The following NEGR1 variants were observed in gnomAD, a reference collection of about 807,000 sequenced individuals.
NEGR1 encodes the protein neuronal growth regulator 1, also known as IgLON family member 4.
NEGR1 carries 10 observed loss-of-function variants against 40.9 expected under a neutral mutation model. The observed-to-expected ratio is 0.24, with a 90% CI of 0.15 to 0.42. NEGR1 has a LOEUF of 0.42. Among genes scored for constraint, NEGR1 ranks in the 10% least tolerant of loss-of-function variants. NEGR1 has a pLI of 1.00. For synonymous variants in NEGR1, 185 were observed against 166.8 expected (o/e 1.11, Z -0.84); for missense variants, 352 against 438.9 (o/e 0.80, Z 1.77).
chr1:72,269,326 G>C (rs768515982), intron 1 of NEGR1, among the ~76,000 whole-genome samples: 2 of 151,600 alleles, frequency 1.3e-5, no homozygotes, highest in African/African-American at 2.4e-5. Flanking sequence ...TTTCAAAGGA[G>C]TGAATCAAGG....
chr1:71,971,460 T>C (rs1365832522), intron 1 of NEGR1, among the ~76,000 whole-genome samples: 1 of 152,142 alleles, frequency 6.6e-6, no homozygotes, highest in Non-Finnish European at 1.5e-5. Flanking sequence ...CATGTATTGA[T>C]TGGGTTGTCA....
chr1:71,646,205 C>T (rs1031719677), intron 4 of NEGR1, among the ~76,000 whole-genome samples: 3 of 151,424 alleles, frequency 2.0e-5, no homozygotes, highest in African/African-American at 7.3e-5. Flanking sequence ...CATATATACA[C>T]ATACATATAC....
At chr1:71,652,821 A>G (rs1005350384) in intron 4 of NEGR1, among the ~76,000 whole-genome samples, 2 of 152,098 alleles carry the variant, frequency 1.3e-5, no homozygotes, top group Non-Finnish European at 2.9e-5. Flanking sequence ...CAGAGATCAT[A>G]CTACTGCATT....
At chr1:72,105,162 T>C (rs1165714156) in intron 1 of NEGR1, among the ~76,000 whole-genome samples, 2 of 152,136 alleles carry the variant, frequency 1.3e-5, no homozygotes, top group East Asian at 3.9e-4. Context: ...AACTATTCTC[T>C]ATACTACAGC....
chr1:72,022,334 T>C (rs1425354664), intron 1 of NEGR1, among the ~76,000 whole-genome samples: 1 of 140,270 alleles, frequency 7.1e-6, no homozygotes, highest in Non-Finnish European at 1.5e-5. Context: ...ATCCAGAAGT[T>C]TATAAAGAGA....
At chr1:71,988,010 T>C (rs1261995387) in intron 1 of NEGR1, among the ~76,000 whole-genome samples, 1 of 152,210 alleles carries the variant, frequency 6.6e-6, no homozygotes, top group Non-Finnish European at 1.5e-5. Context: ...AGAGTCTGTT[T>C]CTTGTTCCCT....
chr1:71,767,819 A>G (rs967005964), intron 3 of NEGR1, among the ~76,000 whole-genome samples: 1 of 152,234 alleles, frequency 6.6e-6, no homozygotes. Context: ...TGCCTTGTGC[A>G]GCCTCAGAAC....
intron 2 of NEGR1, among the ~76,000 whole-genome samples, chr1:71,879,235 G>A (rs1660517916): frequency 6.6e-6 from 1 of 151,970 alleles, no homozygotes; most frequent in Non-Finnish European, 1.5e-5. Context: ...CATAGGGAGA[G>A]ATATTTCTTT....
At chr1:71,732,044 G>A (rs557794258) in intron 3 of NEGR1, among the ~76,000 whole-genome samples, 1 of 152,258 alleles carries the variant, frequency 6.6e-6, no homozygotes, top group East Asian at 1.9e-4. Context: ...CGGGCCGGGA[G>A]TGATGGCTCA....
chr1:71,660,140 A>C (rs950336033), intron 4 of NEGR1, among the ~76,000 whole-genome samples: 1 of 152,230 alleles, frequency 6.6e-6, no homozygotes, highest in Non-Finnish European at 1.5e-5. Context: ...AACACTATGC[A>C]GTCATAAAAA....
chr1:71,941,154 T>C (rs1295857504), intron 1 of NEGR1, among the ~76,000 whole-genome samples: 3 of 152,130 alleles, frequency 2.0e-5, no homozygotes, highest in African/African-American at 7.2e-5. Context: ...AAGTCCTAAA[T>C]TTGACAGAAG....
chr1:71,422,160 G>A (rs146828717), intron 6 of NEGR1, among the ~76,000 whole-genome samples: 7 of 152,038 alleles, frequency 4.6e-5, no homozygotes, highest in African/African-American at 1.4e-4. Flanking sequence ...AAAAACTCAC[G>A]AATACAAATG....
intron 2 of NEGR1, among the ~76,000 whole-genome samples, chr1:71,816,630 G>T (rs1401224413): frequency 6.6e-6 from 1 of 151,990 alleles, no homozygotes; most frequent in Non-Finnish European, 1.5e-5. Context: ...CCCAGGATAG[G>T]TGGGGATTAT....
intron 1 of NEGR1, among the ~76,000 whole-genome samples, chr1:72,186,390 T>C (rs534249775): frequency 6.6e-6 from 1 of 151,720 alleles, no homozygotes; most frequent in Non-Finnish European, 1.5e-5. Context: ...TTAGAGAGTT[T>C]ATATCTTTAA....
At chr1:71,789,150 C>A (rs1034334742) in intron 2 of NEGR1, among the ~76,000 whole-genome samples, 4 of 152,070 alleles carry the variant, frequency 2.6e-5, no homozygotes, top group African/African-American at 9.7e-5. Flanking sequence ...AAGATGAGGA[C>A]CCTATCACAG....
chr1:71,645,002 C>T (rs1231972816), intron 4 of NEGR1, among the ~76,000 whole-genome samples: 3 of 151,928 alleles, frequency 2.0e-5, no homozygotes, highest in Non-Finnish European at 4.4e-5. Context: ...GCTGTACTCA[C>T]ACAATTTACA....
intron 1 of NEGR1, among the ~76,000 whole-genome samples, chr1:72,062,177 A>T (rs768867061): frequency 6.6e-6 from 1 of 151,854 alleles, no homozygotes; most frequent in South Asian, 2.1e-4. Flanking sequence ...AAGAAGTATG[A>T]AATTTCCTTC....
chr1:72,255,762 G>A (rs1191311793), intron 1 of NEGR1, among the ~76,000 whole-genome samples: 2 of 151,700 alleles, frequency 1.3e-5, no homozygotes, highest in East Asian at 3.9e-4. Context: ...TGTTGGCCAG[G>A]ATGGTCTCTA....
intron 3 of NEGR1, among the ~76,000 whole-genome samples, chr1:71,720,787 A>G (rs145348282): frequency 2.6e-5 from 4 of 152,314 alleles, no homozygotes; most frequent in Non-Finnish European, 4.4e-5. Context: ...ATGACTTCCA[A>G]ACTTCAAGTT....
Sources: gnomAD v4.1 joint callset for allele counts (sites outside exome capture counted in the v4.1 genomes callset) on GRCh38, gnomAD v4.1.1 for gene constraint, MANE v1.5 for transcripts, NCBI Gene and HGNC (gene_info 2026-07-23, HGNC 2026-07-21) for gene names.